PLXNC1: variants seen among roughly 807,000 people sequenced by gnomAD.
PLXNC1 encodes plexin-C1.
In PLXNC1, 75 loss-of-function variants were observed where a neutral mutation model predicts 178.2. The ratio of observed to expected loss-of-function variants is 0.42; its 90% CI spans 0.35 to 0.51. PLXNC1 has a LOEUF of 0.51. PLXNC1 is among the 20% of genes least tolerant of loss of function. PLXNC1 has a pLI of 0.02. For missense variants in PLXNC1, 1,503 were observed against 1,984.4 expected, an observed-to-expected ratio of 0.76 and a Z score of 4.61; for synonymous variants, 790 against 779.9, an observed-to-expected ratio of 1.01 and a Z score of -0.22.
rs111555886 is a variant in PLXNC1 at position 94,226,751 on chromosome 12, T to C, written c.1893+44T>C. The C allele has an allele frequency of 1.6e-5, 22 of 1,387,570 alleles. No individual in the cohort carries two copies. The African/African-American group carries it at 2.0e-4, about 13-fold the overall frequency. The allele number at this position is 1,387,570 out of a possible 1,614,324, so 86.0% of individuals were successfully genotyped here. The stretch of plus-strand genomic sequence containing the variant: ...TATTGTAAGTCTTAACCGCCGGGCA[T>C]GGTGGCTCACGCCTGCAATCCCAGC... On this transcript the variant is annotated intron_variant, in intron 8 of 30. Transcript: ENST00000258526.
intron 5 of PLXNC1, among the ~76,000 whole-genome samples, chr12:94,219,774 T>G (rs1242416265): frequency 1.3e-5 from 2 of 151,518 alleles, no homozygotes; most frequent in African/African-American, 4.9e-5. Context: ...GCAAACCAAA[T>G]AGCCAACAAA....
intron 2 of PLXNC1, among the ~76,000 whole-genome samples, chr12:94,179,285 C>A (rs144397586): frequency 4.8e-4 from 73 of 152,318 alleles, no homozygotes; most frequent in African/African-American, 1.7e-3. Context: ...AAACCATGCG[C>A]CCAATGTGGC....
chr12:94,199,574 A>C (rs1963044776), intron 4 of PLXNC1, among the ~76,000 whole-genome samples: 1 of 152,170 alleles, frequency 6.6e-6, no homozygotes, highest in African/African-American at 2.4e-5. Context: ...GGGGCTTTCC[A>C]ACACCAGAAG....
intron 4 of PLXNC1, chr12:94,186,802 C>G (rs1440033526): frequency 1.2e-5 from 3 of 245,706 alleles, no homozygotes; most frequent in Non-Finnish European, 2.5e-5. Context: ...AAAGGGCCCC[C>G]CCTCCGAGAA....
chr12:94,148,861 A>T lies in PLXNC1; in HGVS notation c.-111A>T, dbSNP rs1960825078. 1 of 174,882 alleles carries T rather than the reference A, an allele frequency of 5.7e-6. No individual in the cohort carries two copies. The highest frequency in any genetic ancestry group is 1.1e-5 in the Non-Finnish European group (1 of 90,184). 10.8% of individuals were successfully genotyped at this position (174,882 alleles called of 1,614,324 possible). A position where few individuals can be genotyped will look rare whatever the true frequency, so the allele number is the denominator to read the frequency against. ...GCTGCGGGGATGGGGCGGCCGCGGG[A>T]GCCCGAGCGCGCGCAGGAACCGCCG... is the stretch of plus-strand genomic sequence containing the variant. On this transcript the variant is annotated 5_prime_UTR_variant, in exon 1 of 31. Transcript: ENST00000258526. The surrounding 1 kb of genome is among the most constrained non-coding windows in gnomAD (Gnocchi z 4.8).
chr12:94,297,518 C>A, intron 26 of PLXNC1, 95 bp downstream of exon 26: 1 of 844,962 alleles, frequency 1.2e-6, no homozygotes. Flanking sequence ...TGTTACAAAT[C>A]CCTTGTGCCT....
Position 94,227,209 on chromosome 12 carries a change from G to A in PLXNC1, c.1954G>A (p.Gly652Arg). The A allele has an allele frequency of 6.2e-7, 1 of 1,612,604 alleles. No individual in the cohort carries two copies. Among genetic ancestry groups the A allele is most frequent in the Non-Finnish European group, 8.5e-7 (1 of 1,178,654 alleles). Residue 652 changes from glycine to arginine, a missense_variant, in exon 9 of 31, where the codon GGG becomes AGG. By Grantham distance (125) the Gly-to-Arg change is moderately radical (BLOSUM62 -2). Coordinates refer to ENST00000258526, the MANE Select transcript of PLXNC1 (RefSeq NM_005761.3). ...AGGAGGAAGACCCAAGGAGAACAAG[G>A]GGAACAGAACCAACCAGGCTTTACA... The part of the protein sequence containing the change: ...SGGGRPKENK[G>R]NRTNQALQVF...
chr12:94,236,655 GA>G (rs11413570), intron 9 of PLXNC1, among the ~76,000 whole-genome samples: 3 of 151,932 alleles, frequency 2.0e-5, no homozygotes, highest in African/African-American at 7.3e-5. Context: ...GGATATAGGG[GA>G]AAAAAGAGTG....
intron 4 of PLXNC1, among the ~76,000 whole-genome samples, chr12:94,208,530 C>T (rs192541952): frequency 2.0e-5 from 3 of 152,312 alleles, no homozygotes; most frequent in African/African-American, 4.8e-5. Context: ...GGATCCCCTC[C>T]GGGACTCCCC....
intron 2 of PLXNC1, among the ~76,000 whole-genome samples, chr12:94,181,242 A>AC (rs1962291911): frequency 6.6e-6 from 1 of 152,002 alleles, no homozygotes; most frequent in African/African-American, 2.4e-5. Flanking sequence ...TACTAAAAAA[A>AC]ATTAGCTGGG....
chr12:94,223,824 G>A (rs1174445921), intron 6 of PLXNC1, among the ~76,000 whole-genome samples: 2 of 152,176 alleles, frequency 1.3e-5, no homozygotes, highest in Non-Finnish European at 2.9e-5. Flanking sequence ...TTCTGAAGGT[G>A]CAGGATTTCT....
Position 94,237,722 on chromosome 12 carries a change from T to C in PLXNC1, c.2039T>C (p.Val680Ala). Reference sequence around the variant, plus strand: ...GTATCGACATTAGGGAAAAGCAACGTGATAGTAACGGGAGCAAACTTTACC... The same window carrying C: ...GTATCGACATTAGGGAAAAGCAACGCGATAGTAACGGGAGCAAACTTTACC... ...QKVSTLGKSN[V>A]IVTGANFTRA... Residue 680 changes from valine to alanine, a missense_variant, in exon 10 of 31, where the codon GTG becomes GCG. Val to Ala is a moderately conservative substitution (Grantham distance 64). Transcript: ENST00000258526. 1 of 1,613,902 alleles carries C rather than the reference T, an allele frequency of 6.2e-7. No homozygotes were observed. The highest frequency in any genetic ancestry group is 8.5e-7 in the Non-Finnish European group (1 of 1,179,832).
chr12:94,299,105 T>TATCA (rs1181167433), intron 27 of PLXNC1, among the ~76,000 whole-genome samples: 1 of 152,242 alleles, frequency 6.6e-6, no homozygotes, highest in East Asian at 1.9e-4. Context: ...TGTGGTTTTA[T>TATCA]ATCATTTTTG....
At chr12:94,163,438 T>C (rs1961467706) in intron 1 of PLXNC1, among the ~76,000 whole-genome samples, 1 of 152,136 alleles carries the variant, frequency 6.6e-6, no homozygotes, top group Non-Finnish European at 1.5e-5. Context: ...GTAAATTATT[T>C]GAGTCAGGTC....
At chr12:94,297,892 G>GA (rs1968087986) in intron 26 of PLXNC1, among the ~76,000 whole-genome samples, 2 of 152,190 alleles carry the variant, frequency 1.3e-5, no homozygotes, top group Non-Finnish European at 2.9e-5. Flanking sequence ...TGTCAGATGT[G>GA]AAAGCCGGTG....
intron 1 of PLXNC1, among the ~76,000 whole-genome samples, chr12:94,161,283 G>C (rs916761809): frequency 6.6e-6 from 1 of 152,172 alleles, no homozygotes; most frequent in East Asian, 1.9e-4. Context: ...GTTCCCATCT[G>C]TATTTTACAG....
intron 14 of PLXNC1, among the ~76,000 whole-genome samples, chr12:94,250,684 G>C (rs1964659162): frequency 6.6e-6 from 1 of 152,154 alleles, no homozygotes; most frequent in Admixed American, 6.5e-5. Context: ...GGGATGATCT[G>C]ATCAGCACTG....
chr12:94,162,481 T>C (rs1565787158), intron 1 of PLXNC1, among the ~76,000 whole-genome samples: 1 of 152,018 alleles, frequency 6.6e-6, no homozygotes, highest in African/African-American at 2.4e-5. Context: ...TGGGAAGCCA[T>C]TGGAGAATTT....
intron 9 of PLXNC1, among the ~76,000 whole-genome samples, chr12:94,228,675 G>A (rs181061470): frequency 7.9e-5 from 12 of 152,082 alleles, no homozygotes; most frequent in Non-Finnish European, 1.2e-4. Flanking sequence ...TTGTGCTGGC[G>A]TCTTTCACTT....
Sources: gnomAD v4.1 joint callset for allele counts (sites outside exome capture counted in the v4.1 genomes callset) on GRCh38, gnomAD v4.1.1 for gene constraint, Gnocchi (gnomAD v3.1) non-coding constraint, MANE v1.5 for transcripts, NCBI Gene and HGNC (gene_info 2026-07-23, HGNC 2026-07-21) for gene names.